The following PCDHGA11 variants were observed in gnomAD, a reference collection of about 807,000 sequenced individuals.
PCDHGA11 encodes protocadherin gamma-A11.
PCDHGA11 carries 39 observed loss-of-function variants against 60.4 expected under a neutral mutation model. That is an observed-to-expected ratio of 0.65 (90% CI 0.50 to 0.84). PCDHGA11 has a LOEUF of 0.84. Among genes scored for constraint, PCDHGA11 ranks in the 40% least tolerant of loss-of-function variants. The probability of loss-of-function intolerance (pLI) is 0.00; values close to 1 mark genes in which losing one functional copy is unlikely to be tolerated. For missense variants in PCDHGA11, 1,165 were observed against 1,197.7 expected (o/e 0.97, Z 0.40); for synonymous variants, 533 against 510.3 (o/e 1.04, Z -0.60).
At chr5:141,478,765 C>T in intron 1 of PCDHGA11, 1 of 1,508,614 alleles carries the variant, frequency 6.6e-7, no homozygotes, top group Non-Finnish European at 8.9e-7. Context: ...AGATACTTGA[C>T]TCATCTGTGG....
intron 1 of PCDHGA11, among the ~76,000 whole-genome samples, chr5:141,472,815 C>T (rs1562036829): frequency 1.3e-5 from 2 of 151,596 alleles, no homozygotes; most frequent in East Asian, 1.9e-4. Flanking sequence ...GAGAAACCCC[C>T]GTCTCTACTA....
chr5:141,491,434 A>G lies in PCDHGA11; in HGVS notation c.2434-3373A>G, dbSNP rs1362196179. The G allele has an allele frequency of 6.2e-7, 1 of 1,614,032 alleles. No individual in the cohort carries two copies. ...GGACGGGGGTGGAGGGCAGTGCTGC[A>G]GGCGCCAGGACTCACCCTCCCCGGA... On this transcript the variant is annotated intron_variant, in intron 1 of 3. Coordinates refer to ENST00000398587, the MANE Select transcript of PCDHGA11 (RefSeq NM_018914.3). The surrounding 1 kb of genome is among the most constrained non-coding windows in gnomAD (Gnocchi z 6.9).
At chr5:141,433,352 T>G (rs976015031) in intron 1 of PCDHGA11, 1 of 614,162 alleles carries the variant, frequency 1.6e-6, no homozygotes, top group Admixed American at 3.0e-5. Flanking sequence ...AGCCACCTAC[T>G]GTCTGCCTAT....
chr5:141,440,075 T>C (rs2098148518), intron 1 of PCDHGA11: 1 of 152,428 alleles, frequency 6.6e-6, no homozygotes, highest in Non-Finnish European at 1.5e-5. Flanking sequence ...TGAGGAATAA[T>C]ACTTCATTCT....
chr5:141,421,834 CGA>C lies in PCDHGA11; in HGVS notation c.612_613del (p.Lys205ArgfsTer33), dbSNP rs763631483. The C allele has an allele frequency of 2.1e-5, 34 of 1,613,630 alleles. No homozygotes were observed. The Admixed American group carries it at 5.5e-4, about 26-fold the overall frequency. Reference protein sequence around the residue: ...PELVLEGSLDREKEAAHLLLL... With the variant: ...PELVLEGSLDXEKEAAHLLLL... ...GCTAGTACTGGAGGGAAGCCTGGAC[CGA>C]GAGAAAGAGGCTGCTCACCTGCTCC... On this transcript the variant is annotated frameshift_variant, in exon 1 of 4. Transcript: ENST00000398587. LOFTEE classifies it high-confidence loss of function.
At chr5:141,478,926 G>A in intron 1 of PCDHGA11, 1 of 687,216 alleles carries the variant, frequency 1.5e-6, no homozygotes, top group Non-Finnish European at 2.3e-6. Flanking sequence ...CTAACCAGTG[G>A]CAGCTTCTAG....
rs751024373 is a variant in PCDHGA11, at chr5:141,491,801, G to A, written c.2434-3006G>A. On this transcript the variant is annotated intron_variant, in intron 1 of 3. Coordinates refer to ENST00000398587, the MANE Select transcript of PCDHGA11 (RefSeq NM_018914.3). The surrounding 1 kb of genome is among the most constrained non-coding windows in gnomAD (Gnocchi z 6.9). ...AACTTGCATCCACTCCTCTCCGGCC[G>A]GCTTGGTCGCTGGCTGCGCTCCACC... 2.7e-6 allele frequency: 4 copies of A among 1,500,726 alleles called. No homozygotes were observed. The Admixed American group carries it at 7.3e-5, about 28-fold the overall frequency. 93.0% of individuals were successfully genotyped at this position (1,500,726 alleles called of 1,614,324 possible). A position where few individuals can be genotyped will look rare whatever the true frequency, so the allele number is the denominator to read the frequency against.
Position 141,423,327 on chromosome 5 carries a change from A to C in PCDHGA11, c.2100A>C (p.Ala700=). 6.2e-7 allele frequency: 1 copy of C among 1,614,100 alleles called. No homozygotes were observed. Among genetic ancestry groups the C allele is most frequent in the Non-Finnish European group, 8.5e-7 (1 of 1,180,006 alleles). The change falls in exon 1 of 4, where the codon GCA becomes GCC. Residue 700 remains alanine, a synonymous_variant. Transcript: ENST00000398587. ...LSLYLVVAVA[A]VSCIFLVFVI... ...TGTACTTGGTGGTGGCGGTGGCCGC[A>C]GTCTCCTGCATCTTCCTGGTCTTTG...
In PCDHGA11 at chr5:141,458,391, C is replaced by G. The variant is rs534396279; in HGVS notation, c.2433+34731C>G. 5.9e-5 allele frequency among the ~76,000 whole-genome samples: 9 copies of G among 152,126 alleles called. No homozygotes were observed. In the South Asian group the frequency reaches 1.0e-3, roughly 18 times the overall value. ...GGAGAAGAGAGAAGGAAGACGCTCCCCCTTGCAGAGACGGAGCGGGGGTTC... is the reference window on the plus strand; with the variant it reads ...GGAGAAGAGAGAAGGAAGACGCTCCGCCTTGCAGAGACGGAGCGGGGGTTC... On this transcript the variant is annotated intron_variant, in intron 1 of 3. Coordinates refer to ENST00000398587, the MANE Select transcript of PCDHGA11 (RefSeq NM_018914.3).
rs1444171664 is a variant in PCDHGA11, at chr5:141,477,015, T to G, written c.2434-17792T>G. The G allele has an allele frequency of 1.2e-6, 2 of 1,614,210 alleles. No homozygotes were observed. Among genetic ancestry groups the G allele is most frequent in the Non-Finnish European group, 1.7e-6 (2 of 1,180,038 alleles). On this transcript the variant is annotated intron_variant, in intron 1 of 3. Coordinates refer to ENST00000398587, the MANE Select transcript of PCDHGA11 (RefSeq NM_018914.3). This position sits in a 1 kb window ranked among gnomAD's most constrained non-coding sequence, Gnocchi z 4.9. ...CGGCAACTATTCGCCTTAGACCTTG[T>G]AACCGGGATGCTGACAATCAAGGGT...
At chr5:141,501,147 G>A (rs1166199034) in intron 2 of PCDHGA11, among the ~76,000 whole-genome samples, 1 of 152,142 alleles carries the variant, frequency 6.6e-6, no homozygotes, top group Non-Finnish European at 1.5e-5. Context: ...GATTACAGGT[G>A]GGAGCCACCA....
At chr5:141,425,253 A>G (rs1019069029) in intron 1 of PCDHGA11, among the ~76,000 whole-genome samples, 12 of 152,196 alleles carry the variant, frequency 7.9e-5, no homozygotes, top group Non-Finnish European at 1.5e-4. Context: ...GATATGAGGT[A>G]TTTGGCTGGG....
At chr5:141,456,700 C>T (rs1420857227) in intron 1 of PCDHGA11, among the ~76,000 whole-genome samples, 1 of 152,060 alleles carries the variant, frequency 6.6e-6, no homozygotes, top group Admixed American at 6.6e-5. Flanking sequence ...CGTGGTGGCT[C>T]GCGCCTGTAA....
intron 1 of PCDHGA11, among the ~76,000 whole-genome samples, chr5:141,465,130 AAG>A (rs1277023430): frequency 2.6e-5 from 4 of 151,968 alleles, no homozygotes; most frequent in Non-Finnish European, 5.9e-5. Flanking sequence ...AATTTGTAAA[AAG>A]TTTAGGGGAT....
chr5:141,428,238 G>A lies in PCDHGA11; in HGVS notation c.2433+4578G>A, dbSNP rs775703660. On this transcript the variant is annotated intron_variant, in intron 1 of 3. Transcript: ENST00000398587. ...TAGTCTTCGCAGACAGCCTGCAGGA[G>A]GCACTGCCAGACTTCAGTGACAGTC... 1.0e-5 allele frequency: 10 copies of A among 998,180 alleles called. No individual in the cohort carries two copies. The South Asian group carries it at 1.3e-4, about 13-fold the overall frequency. The allele number at this position is 998,180 out of a possible 1,614,324, so 61.8% of individuals were successfully genotyped here. A position where few individuals can be genotyped will look rare whatever the true frequency, so the allele number is the denominator to read the frequency against.
rs2099746956 is a variant in PCDHGA11 at position 141,493,207 on chromosome 5, A to C, written c.2434-1600A>C. Among the ~76,000 whole-genome samples, 1 of 152,152 alleles carries C rather than the reference A, an allele frequency of 6.6e-6. No individual in the cohort carries two copies. The highest frequency in any genetic ancestry group is 2.4e-5 in the African/African-American group (1 of 41,442). On this transcript the variant is annotated intron_variant, in intron 1 of 3. Coordinates refer to ENST00000398587, the MANE Select transcript of PCDHGA11 (RefSeq NM_018914.3). The surrounding 1 kb of genome is among the most constrained non-coding windows in gnomAD (Gnocchi z 4.3). ...ATAACTCCTTTGAGAACCTCATCTC[A>C]TTTGCTCTTCCCACCATTGCTGTTG...
chr5:141,457,806 G>A (rs1321207711), intron 1 of PCDHGA11, among the ~76,000 whole-genome samples: 1 of 152,150 alleles, frequency 6.6e-6, no homozygotes, highest in Non-Finnish European at 1.5e-5. Context: ...CTCCTCTTGA[G>A]GTCCCAAGAT....
rs760572189 is a variant in PCDHGA11 at position 141,477,159 on chromosome 5, A to G, written c.2434-17648A>G. ...GTGGAGGTTGTGGATGTGAATGACA[A>G]CGCCCCGGAGATCACAGTCACCTCC... is the stretch of plus-strand genomic sequence containing the variant. On this transcript the variant is annotated intron_variant, in intron 1 of 3. Transcript: ENST00000398587. The surrounding 1 kb of genome is among the most constrained non-coding windows in gnomAD (Gnocchi z 4.9). The G allele has an allele frequency of 1.7e-5, 28 of 1,613,854 alleles. No individual in the cohort carries two copies. In the South Asian group the frequency reaches 3.1e-4, roughly 18 times the overall value.
At chr5:141,498,863 G>A (rs1311199561) in intron 2 of PCDHGA11, among the ~76,000 whole-genome samples, 2 of 151,466 alleles carry the variant, frequency 1.3e-5, no homozygotes, top group South Asian at 2.1e-4. Context: ...AACCCAGGAG[G>A]CGGAGGTTGC....
Sources: allele counts gnomAD v4.1 joint callset (sites outside exome capture counted in the v4.1 genomes callset), GRCh38; gene constraint gnomAD v4.1.1; non-coding constraint Gnocchi (gnomAD v3.1); transcripts MANE v1.5; gene names NCBI Gene and HGNC (gene_info 2026-07-23, HGNC 2026-07-21).